WWOX: variants seen among roughly 807,000 people sequenced by gnomAD.
WWOX encodes WW domain containing oxidoreductase.
Under a neutral mutation model 46.2 loss-of-function variants are expected in WWOX, and 69 were observed. The observed-to-expected ratio is 1.49, with a 90% CI of 1.23 to 1.82. WWOX has a LOEUF of 1.82. WWOX is among the 40% of genes most tolerant of loss of function. WWOX has a pLI of 0.00. For synonymous variants in WWOX, 359 were observed against 202.6 expected (o/e 1.77, Z -6.56); for missense variants, 919 against 542.6 (o/e 1.69, Z -6.89).
At chr16:79,126,089 ATGTGC>A (rs2049748011) in intron 8 of WWOX, among the ~76,000 whole-genome samples, 1 of 152,128 alleles carries the variant, frequency 6.6e-6, no homozygotes, top group Non-Finnish European at 1.5e-5. Context: ...AAGCAACATA[ATGTGC>A]CCTGGAGTTT....
At chr16:79,068,452 A>T (rs2048482467) in intron 8 of WWOX, among the ~76,000 whole-genome samples, 1 of 152,088 alleles carries the variant, frequency 6.6e-6, no homozygotes, top group Non-Finnish European at 1.5e-5. Flanking sequence ...CTGAATGCAC[A>T]ATCATATGTT....
At chr16:79,172,011 T>A (rs1438922519) in intron 8 of WWOX, among the ~76,000 whole-genome samples, 2 of 152,176 alleles carry the variant, frequency 1.3e-5, no homozygotes, top group Non-Finnish European at 2.9e-5. Flanking sequence ...ATCCTGACTC[T>A]CAGGAACACG....
intron 8 of WWOX, among the ~76,000 whole-genome samples, chr16:78,909,404 G>T (rs993432605): frequency 3.3e-5 from 5 of 152,130 alleles, no homozygotes; most frequent in Non-Finnish European, 7.4e-5. Flanking sequence ...AAACTTTATG[G>T]ACCATAAACC....
At chr16:78,684,008 C>G (rs1349089798) in intron 8 of WWOX, among the ~76,000 whole-genome samples, 4 of 152,208 alleles carry the variant, frequency 2.6e-5, no homozygotes, top group Non-Finnish European at 4.4e-5. Flanking sequence ...CTTTTTCTGA[C>G]TAGCTGATTC....
At chr16:78,296,748 G>A (rs1381138140) in intron 5 of WWOX, among the ~76,000 whole-genome samples, 2 of 152,100 alleles carry the variant, frequency 1.3e-5, no homozygotes, top group Non-Finnish European at 2.9e-5. Flanking sequence ...GCATTGTACA[G>A]CAATTCATAT....
At chr16:78,320,184 C>T (rs1204045432) in intron 5 of WWOX, among the ~76,000 whole-genome samples, 1 of 152,136 alleles carries the variant, frequency 6.6e-6, no homozygotes, top group Non-Finnish European at 1.5e-5. Context: ...AGAAAACCTT[C>T]CTTGCATGTA....
intron 5 of WWOX, among the ~76,000 whole-genome samples, chr16:78,319,336 G>C (rs2080418191): frequency 1.3e-5 from 2 of 152,108 alleles, no homozygotes; most frequent in Admixed American, 6.5e-5. Flanking sequence ...CCAAGCTGGA[G>C]TGCAGTGGCG....
chr16:79,010,874 G>A (rs2047290174), intron 8 of WWOX, among the ~76,000 whole-genome samples: 1 of 152,012 alleles, frequency 6.6e-6, no homozygotes, highest in African/African-American at 2.4e-5. Context: ...CGGGAGATGG[G>A]AACAGAGAGC....
intron 5 of WWOX, among the ~76,000 whole-genome samples, chr16:78,207,801 TTTTTA>T (rs898147954): frequency 2.6e-5 from 4 of 151,854 alleles, no homozygotes; most frequent in Admixed American, 2.0e-4. Flanking sequence ...CAACCATGCT[TTTTTA>T]TTTTATTTTA....
intron 5 of WWOX, among the ~76,000 whole-genome samples, chr16:78,238,555 G>T (rs142626983): frequency 1.1e-4 from 16 of 152,194 alleles, no homozygotes; most frequent in African/African-American, 3.6e-4. Context: ...AAATGTCATT[G>T]TTATAGGATG....
intron 8 of WWOX, among the ~76,000 whole-genome samples, chr16:79,033,811 C>T (rs1169348587): frequency 2.0e-5 from 3 of 152,222 alleles, no homozygotes; most frequent in Non-Finnish European, 4.4e-5. Flanking sequence ...TGGAATCACA[C>T]AGTGTGTGAT....
rs540661955 is a variant in WWOX, at chr16:78,276,981, G to A, written c.517-109879G>A. Among the ~76,000 whole-genome samples the A allele has an allele frequency of 9.2e-4, 140 of 152,318 alleles. 1 individual carries two copies. Among genetic ancestry groups the A allele is most frequent in the Non-Finnish European group, 2.9e-4 (20 of 68,026 alleles). On this transcript the variant is annotated intron_variant, in intron 5 of 8. Transcript: ENST00000566780. ...CATTACATATTCATGGCTTGGGATG[G>A]ATGGGATAAGGAACTTATTATTAAT... is the stretch of plus-strand genomic sequence containing the variant.
intron 8 of WWOX, among the ~76,000 whole-genome samples, chr16:78,604,483 C>T (rs1172612041): frequency 4.6e-5 from 7 of 151,886 alleles, no homozygotes; most frequent in South Asian, 2.1e-4. Flanking sequence ...CCCAGAGGTC[C>T]GTCTGTGACA....
intron 8 of WWOX, among the ~76,000 whole-genome samples, chr16:79,026,922 C>CCCGA (rs2047656430): frequency 6.6e-6 from 1 of 151,076 alleles, no homozygotes; most frequent in Non-Finnish European, 1.5e-5. Context: ...AGCCACCACG[C>CCCGA]CTGGGCGGCA....
intron 8 of WWOX, among the ~76,000 whole-genome samples, chr16:78,468,273 T>A (rs2084130659): frequency 6.6e-6 from 1 of 151,836 alleles, no homozygotes; most frequent in Non-Finnish European, 1.5e-5. Context: ...TCTTTTTTTT[T>A]TTTTTTTTTA....
chr16:79,208,736 G>A (rs1220534112), intron 8 of WWOX, among the ~76,000 whole-genome samples: 1 of 151,984 alleles, frequency 6.6e-6, no homozygotes, highest in African/African-American at 2.4e-5. Context: ...CTGATGATAT[G>A]TAGGCCGAAA....
At chr16:78,164,129 G>A in intron 4 of WWOX, 54 bp from the exon 5 acceptor site, 1 of 1,500,006 alleles carries the variant, frequency 6.7e-7, no homozygotes, top group Non-Finnish European at 9.2e-7. Flanking sequence ...CATTCAACAT[G>A]ACTCACTGTG....
chr16:78,370,976 A>C (rs2081666614), intron 5 of WWOX, among the ~76,000 whole-genome samples: 2 of 128,608 alleles, frequency 1.6e-5, no homozygotes, highest in Non-Finnish European at 3.3e-5. Flanking sequence ...CTGTGTTGTG[A>C]TTTCTTTTTT....
chr16:78,691,342 G>C (rs2047983394), intron 8 of WWOX: 1 of 696,594 alleles, frequency 1.4e-6, no homozygotes, highest in Non-Finnish European at 2.6e-6. Flanking sequence ...TTTCAACATA[G>C]CTTTATCTTA....
Sources: gnomAD v4.1 joint callset for allele counts (sites outside exome capture counted in the v4.1 genomes callset) on GRCh38, gnomAD v4.1.1 for gene constraint, MANE v1.5 for transcripts, NCBI Gene and HGNC (gene_info 2026-07-23, HGNC 2026-07-21) for gene names.